The following CTNNA3 variants were observed in gnomAD, a reference collection of about 807,000 sequenced individuals.
CTNNA3 encodes the protein catenin alpha-3.
In CTNNA3, 76 loss-of-function variants were observed where a neutral mutation model predicts 95.7. The ratio of observed to expected loss-of-function variants is 0.79; its 90% CI spans 0.66 to 0.96. The LOEUF is 0.96. Ranked by LOEUF, CTNNA3 falls within the 40% of genes least tolerant of loss-of-function variation. The pLI is 0.00. For missense variants in CTNNA3, 1,191 were observed against 1,089.8 expected, an observed-to-expected ratio of 1.09 and a Z score of -1.31; for synonymous variants, 431 against 374.4, an observed-to-expected ratio of 1.15 and a Z score of -1.74.
At chr10:66,151,306 C>T (rs1259781172) in intron 13 of CTNNA3, among the ~76,000 whole-genome samples, 1 of 151,688 alleles carries the variant, frequency 6.6e-6, no homozygotes, top group African/African-American at 2.4e-5. Flanking sequence ...AAAGTTTTCA[C>T]GAAGAAGCTC....
intron 5 of CTNNA3, among the ~76,000 whole-genome samples, chr10:67,496,250 T>G (rs1839018645): frequency 6.6e-6 from 1 of 152,170 alleles, no homozygotes; most frequent in Non-Finnish European, 1.5e-5. Context: ...GACTCCTATG[T>G]GCCTTTTTAT....
At chr10:67,277,601 G>A (rs1185824169) in intron 5 of CTNNA3, among the ~76,000 whole-genome samples, 4 of 152,082 alleles carry the variant, frequency 2.6e-5, no homozygotes, top group Admixed American at 6.6e-5. Flanking sequence ...CTAGTCACAG[G>A]ATGAGATGGG....
chr10:67,250,638 C>A (rs866309972), intron 5 of CTNNA3, among the ~76,000 whole-genome samples: 43 of 152,272 alleles, frequency 2.8e-4, no homozygotes, highest in Middle Eastern at 3.4e-3. Flanking sequence ...CTGTATATTT[C>A]AGCCACTGTT....
At chr10:66,208,832 T>C (rs1231447838) in intron 13 of CTNNA3, among the ~76,000 whole-genome samples, 1 of 152,022 alleles carries the variant, frequency 6.6e-6, no homozygotes. Context: ...ACTGTTTTAA[T>C]AACATGAGGA....
chr10:65,966,829 G>A (rs2077978020), intron 16 of CTNNA3, 83 bp from the exon 17 acceptor site: 3 of 1,042,532 alleles, frequency 2.9e-6, no homozygotes, highest in Non-Finnish European at 4.1e-6. Context: ...TATTCACATG[G>A]CAGGTACCTT....
chr10:66,329,939 T>C (rs569824836), intron 12 of CTNNA3, among the ~76,000 whole-genome samples: 6 of 152,208 alleles, frequency 3.9e-5, no homozygotes, highest in Middle Eastern at 3.4e-3. Context: ...TATTGTGGAA[T>C]TGAATTTTTA....
intron 7 of CTNNA3, among the ~76,000 whole-genome samples, chr10:67,057,151 A>G (rs1183975864): frequency 1.3e-5 from 2 of 152,154 alleles, no homozygotes; most frequent in Admixed American, 6.6e-5. Flanking sequence ...TTTTATTGAG[A>G]TATAATTGAC....
chr10:66,873,691 G>A (rs1249061815), intron 7 of CTNNA3, among the ~76,000 whole-genome samples: 1 of 152,046 alleles, frequency 6.6e-6, no homozygotes, highest in Non-Finnish European at 1.5e-5. Context: ...ATGGTGCTGG[G>A]ATAACTGGCT....
intron 1 of CTNNA3, among the ~76,000 whole-genome samples, chr10:67,649,778 C>T (rs186348207): frequency 3.5e-4 from 54 of 152,302 alleles, no homozygotes; most frequent in East Asian, 1.4e-3. Flanking sequence ...AATACCACAA[C>T]GCAAATCCAA....
At position 65,920,305 on chromosome 10, in the gene CTNNA3, A is replaced by G; in HGVS notation, c.*25T>C. The G allele has an allele frequency of 6.3e-7, 1 of 1,589,516 alleles. No individual in the cohort carries two copies. Among genetic ancestry groups the G allele is most frequent in the Non-Finnish European group, 8.6e-7 (1 of 1,163,680 alleles). Reference sequence around the variant, plus strand: ...GTGGTTAGGCAGGATTTTGTCATATAGGCACTATATGTAGAATAGTGGTTT... The same window carrying G: ...GTGGTTAGGCAGGATTTTGTCATATGGGCACTATATGTAGAATAGTGGTTT... On this transcript the variant is annotated 3_prime_UTR_variant, in exon 18 of 18. Transcript: ENST00000433211.
At chr10:66,661,236 G>T (rs894478437) in intron 9 of CTNNA3, among the ~76,000 whole-genome samples, 1 of 152,094 alleles carries the variant, frequency 6.6e-6, no homozygotes, top group African/African-American at 2.4e-5. Context: ...GGAAGAAAAA[G>T]AAGTTTAATT....
chr10:66,123,120 C>T (rs2082656514), intron 13 of CTNNA3, among the ~76,000 whole-genome samples: 1 of 152,192 alleles, frequency 6.6e-6, no homozygotes, highest in African/African-American at 2.4e-5. Context: ...AACATCTCAT[C>T]TGAGACAAGG....
At position 67,647,481 on chromosome 10, in the gene CTNNA3, G is replaced by A. The variant is rs61735044; in HGVS notation, c.33C>T (p.Ile11=). The change falls in exon 2 of 18, where the codon ATC becomes ATT. Residue 11 remains isoleucine, a synonymous_variant. Coordinates refer to ENST00000433211, the MANE Select transcript of CTNNA3 (RefSeq NM_013266.4). ...TTTGGACCTGCAGATCCTGAGGATC[G>A]ATATTCAATGTGATTGGTGTTTCAG... MSAETPITLN[I]DPQDLQVQTF... is the part of the protein sequence containing the mutation. 2.8e-3 allele frequency: 4,515 copies of A among 1,613,200 alleles called. 7 individuals carry two copies. Among genetic ancestry groups the A allele is most frequent in the Non-Finnish European group, 3.4e-3 (4,061 of 1,179,400 alleles).
intron 2 of CTNNA3, among the ~76,000 whole-genome samples, chr10:67,621,555 C>G (rs1843844877): frequency 6.6e-6 from 1 of 152,078 alleles, no homozygotes. Flanking sequence ...CAAAACCTGC[C>G]TGATCAACAT....
At chr10:66,718,379 C>T (rs71494002) in intron 9 of CTNNA3, among the ~76,000 whole-genome samples, 3,625 of 152,098 alleles carry the variant, frequency 0.024, 183 homozygotes, top group East Asian at 0.22. Context: ...ATTATTTCAT[C>T]TGCATGTAAT....
At chr10:66,265,445 G>T (rs1456444601) in intron 13 of CTNNA3, among the ~76,000 whole-genome samples, 1 of 151,946 alleles carries the variant, frequency 6.6e-6, no homozygotes, top group Non-Finnish European at 1.5e-5. Context: ...CCCTGTTAAA[G>T]CTATTACAAT....
At chr10:66,376,712 G>A (rs1191116973) in intron 12 of CTNNA3, among the ~76,000 whole-genome samples, 8 of 152,016 alleles carry the variant, frequency 5.3e-5, no homozygotes, top group Non-Finnish European at 1.2e-4. Flanking sequence ...CAGAAAGCAG[G>A]GTTAAATCCT....
chr10:66,070,088 T>C (rs1211482865), intron 14 of CTNNA3, among the ~76,000 whole-genome samples: 6 of 152,188 alleles, frequency 3.9e-5, no homozygotes, highest in Non-Finnish European at 7.4e-5. Flanking sequence ...TATTTTCATA[T>C]GTCTAATAAA....
chr10:67,004,447 GGTGTCTGATAC>G (rs1851860091), intron 7 of CTNNA3, among the ~76,000 whole-genome samples: 1 of 152,152 alleles, frequency 6.6e-6, no homozygotes, highest in East Asian at 1.9e-4. Flanking sequence ...CCCATGGCAT[GGTGTCTGATAC>G]TTCATCTCTG....
Sources: allele counts gnomAD v4.1 joint callset (sites outside exome capture counted in the v4.1 genomes callset), GRCh38; gene constraint gnomAD v4.1.1; transcripts MANE v1.5; gene names NCBI Gene and HGNC (gene_info 2026-07-23, HGNC 2026-07-21).